Variants in DCDC2C observed in about 807,000 individuals in gnomAD.
The protein encoded by DCDC2C is doublecortin domain-containing protein 2C.
DCDC2C carries 44 observed loss-of-function variants against 45.0 expected under a neutral mutation model. The ratio of observed to expected loss-of-function variants is 0.98; its 90% CI spans 0.77 to 1.26. DCDC2C has a LOEUF of 1.26. Among genes scored for constraint, DCDC2C ranks in the 50% most tolerant of loss-of-function variants. The pLI, the probability that DCDC2C is intolerant of heterozygous loss-of-function variation, is 0.00. For synonymous variants in DCDC2C, 187 were observed against 178.8 expected (o/e 1.05, Z -0.37); for missense variants, 447 against 468.9 (o/e 0.95, Z 0.43).
chr2:3,802,447 A>C (rs1671136339), intron 10 of DCDC2C, among the ~76,000 whole-genome samples: 1 of 152,184 alleles, frequency 6.6e-6, no homozygotes, highest in African/African-American at 2.4e-5. Context: ...GTCTATAGCA[A>C]AACACTTGGG....
intron 10 of DCDC2C, among the ~76,000 whole-genome samples, chr2:3,842,994 T>C (rs1046975282): frequency 2.6e-5 from 4 of 152,222 alleles, no homozygotes; most frequent in African/African-American, 9.7e-5. Context: ...GGTGGTCACC[T>C]GGCCATTGTC....
At chr2:3,733,032 A>C (rs1424564047) in intron 3 of DCDC2C, among the ~76,000 whole-genome samples, 3 of 152,250 alleles carry the variant, frequency 2.0e-5, no homozygotes, top group Non-Finnish European at 4.4e-5. Flanking sequence ...GGATACCCCA[A>C]GTGGGATAGA....
At chr2:3,780,990 A>C (rs1282262107) in intron 9 of DCDC2C, among the ~76,000 whole-genome samples, 2 of 152,172 alleles carry the variant, frequency 1.3e-5, no homozygotes, top group Non-Finnish European at 2.9e-5. Flanking sequence ...GGCGCCACCT[A>C]CTGCTTCAAG....
chr2:3,745,320 T>C (rs963685910), intron 4 of DCDC2C, among the ~76,000 whole-genome samples: 1 of 152,140 alleles, frequency 6.6e-6, no homozygotes, highest in Non-Finnish European at 1.5e-5. Context: ...TGTAGAATGA[T>C]AGTAGTGAAA....
At chr2:3,730,852 T>A (rs1668847453) in intron 3 of DCDC2C, among the ~76,000 whole-genome samples, 1 of 152,266 alleles carries the variant, frequency 6.6e-6, no homozygotes, top group Admixed American at 6.5e-5. Context: ...TATACTGAGT[T>A]GATCACGGCC....
chr2:3,780,623 T>C (rs1670482888), intron 9 of DCDC2C, among the ~76,000 whole-genome samples: 1 of 152,200 alleles, frequency 6.6e-6, no homozygotes, highest in Non-Finnish European at 1.5e-5. Context: ...TGAACATTAA[T>C]GACGGGAGAC....
chr2:3,790,393 T>C (rs1225046021), intron 10 of DCDC2C, among the ~76,000 whole-genome samples: 2 of 152,230 alleles, frequency 1.3e-5, no homozygotes, highest in Non-Finnish European at 2.9e-5. Context: ...CTGCAGCTAC[T>C]GATGAAAACA....
intron 10 of DCDC2C, among the ~76,000 whole-genome samples, chr2:3,798,007 G>A (rs1001878475): frequency 3.3e-5 from 5 of 151,960 alleles, no homozygotes; most frequent in Non-Finnish European, 7.4e-5. Context: ...GGGAGTCTAA[G>A]TCTCTTTGTA....
rs190374463 is a variant in DCDC2C, at chr2:3,830,919, C to T, written c.1066-16235C>T. Among the ~76,000 whole-genome samples the T allele has an allele frequency of 2.6e-5, 4 of 152,316 alleles. No homozygotes were observed. In the East Asian group the frequency reaches 7.7e-4, roughly 29 times the overall value. ...TTTCTTTGTTGGCCGAACTCACTCA[C>T]TTCCTGTATGGCATTTGATTTAAAC... On this transcript the variant is annotated intron_variant, in intron 10 of 10. Coordinates refer to ENST00000399143, the MANE Select transcript of DCDC2C (RefSeq NM_001287444.2).
chr2:3,725,388 T>G (rs1170892194), intron 2 of DCDC2C, among the ~76,000 whole-genome samples: 2 of 127,738 alleles, frequency 1.6e-5, no homozygotes, highest in African/African-American at 5.4e-5. Context: ...GAGCATAACA[T>G]GGAGGGTGTA....
chr2:3,765,094 A>G (rs1293226597), intron 6 of DCDC2C, among the ~76,000 whole-genome samples: 1 of 152,220 alleles, frequency 6.6e-6, no homozygotes, highest in East Asian at 1.9e-4. Context: ...CCTCCCAAAT[A>G]GTTCAGATAA....
At chr2:3,808,415 T>C (rs1343332839) in intron 10 of DCDC2C, among the ~76,000 whole-genome samples, 2 of 152,174 alleles carry the variant, frequency 1.3e-5, no homozygotes, top group African/African-American at 4.8e-5. Flanking sequence ...TTTTTTGAGA[T>C]TGGTTCTCGC....
chr2:3,741,794 A>G (rs1294967841), intron 3 of DCDC2C, 126 bp from the exon 4 acceptor site: 8 of 1,001,550 alleles, frequency 8.0e-6, no homozygotes, highest in African/African-American at 1.7e-5. Flanking sequence ...CATAGTATGA[A>G]GTATTGGAGG....
At chr2:3,836,848 C>T (rs1303462157) in intron 10 of DCDC2C, among the ~76,000 whole-genome samples, 2 of 121,380 alleles carry the variant, frequency 1.6e-5, no homozygotes, top group African/African-American at 6.5e-5. Context: ...GGCGACAGAG[C>T]GAGACTCCGT....
intron 10 of DCDC2C, chr2:3,844,073 A>G (rs2123883): frequency 0.17 from 25,126 of 152,158 alleles, 2,291 homozygotes; most frequent in Non-Finnish European, 0.2. Flanking sequence ...AAAACAAGAA[A>G]AAGAATCATA....
intron 10 of DCDC2C, among the ~76,000 whole-genome samples, chr2:3,791,015 C>G (rs566190823): frequency 3.3e-5 from 5 of 152,140 alleles, no homozygotes; most frequent in Non-Finnish European, 7.4e-5. Flanking sequence ...GAGGCTGAGG[C>G]AGGAGAATGG....
chr2:3,844,699 G>T (rs1672285377), intron 10 of DCDC2C: 1 of 152,242 alleles, frequency 6.6e-6, no homozygotes, highest in Non-Finnish European at 1.5e-5. Context: ...AAGACTTTAA[G>T]TTTTTAAACA....
Position 3,749,316 on chromosome 2 carries a change from A to C in DCDC2C, c.546-3447A>C, listed in dbSNP as rs146893222. 7.4e-4 allele frequency among the ~76,000 whole-genome samples: 112 copies of C among 152,338 alleles called. 1 individual carries two copies. The highest frequency in any genetic ancestry group is 2.5e-3 in the African/African-American group (103 of 41,580). On this transcript the variant is annotated intron_variant, in intron 4 of 10. Coordinates refer to ENST00000399143, the MANE Select transcript of DCDC2C (RefSeq NM_001287444.2). ...TGTTTAGCATGTTATGATGCAAAGC[A>C]CTTTGATTTATGTGCATGATCTCAT... is the stretch of plus-strand genomic sequence containing the variant.
chr2:3,821,098 G>T (rs1209106395), intron 10 of DCDC2C, among the ~76,000 whole-genome samples: 1 of 152,190 alleles, frequency 6.6e-6, no homozygotes, highest in African/African-American at 2.4e-5. Flanking sequence ...GATTTGGGTA[G>T]GTAGTGGAAA....
Sources: allele counts gnomAD v4.1 joint callset (sites outside exome capture counted in the v4.1 genomes callset), GRCh38; gene constraint gnomAD v4.1.1; transcripts MANE v1.5; gene names NCBI Gene and HGNC (gene_info 2026-07-23, HGNC 2026-07-21).